The following GRAMD2A variants were observed in gnomAD, a reference collection of about 807,000 sequenced individuals.
GRAMD2A encodes GRAM domain-containing protein 2A.
Under a neutral mutation model 51.1 loss-of-function variants are expected in GRAMD2A, and 37 were observed. The observed-to-expected ratio is 0.72, with a 90% CI of 0.56 to 0.95. The LOEUF is 0.95. Among genes scored for constraint, GRAMD2A ranks in the 40% least tolerant of loss-of-function variants. The pLI, the probability that GRAMD2A is intolerant of heterozygous loss-of-function variation, is 0.00. For missense variants in GRAMD2A, 414 were observed against 426.9 expected (o/e 0.97, Z 0.27); for synonymous variants, 136 against 157.1 (o/e 0.87, Z 1.01).
At chr15:72,189,177 G>A (rs879657459) in intron 1 of GRAMD2A, among the ~76,000 whole-genome samples, 5 of 152,152 alleles carry the variant, frequency 3.3e-5, no homozygotes, top group Non-Finnish European at 7.4e-5. Context: ...AAGGCACTGC[G>A]ATATTATTAA....
chr15:72,169,992 C>T (rs1413837714), intron 1 of GRAMD2A, 53 bp from the exon 2 acceptor site: 2 of 1,323,230 alleles, frequency 1.5e-6, no homozygotes, highest in Non-Finnish European at 2.2e-6. Flanking sequence ...GACACCTTTC[C>T]CTAACAGCCC....
chr15:72,180,293 T>G (rs1236620878), intron 1 of GRAMD2A, among the ~76,000 whole-genome samples: 6 of 152,242 alleles, frequency 3.9e-5, no homozygotes, highest in African/African-American at 1.4e-4. Flanking sequence ...CGGCATCTAT[T>G]TGAGCTGGCA....
At chr15:72,184,258 G>C (rs982360789) in intron 1 of GRAMD2A, among the ~76,000 whole-genome samples, 1 of 152,204 alleles carries the variant, frequency 6.6e-6, no homozygotes, top group Admixed American at 6.5e-5. Context: ...TATTTTCTGC[G>C]CCTGCCTTGG....
rs529089732 is a variant in GRAMD2A, at chr15:72,182,234, G to A, written c.42-12295C>T. On this transcript the variant is annotated intron_variant, in intron 1 of 11. Transcript: ENST00000309731. The stretch of plus-strand genomic sequence containing the variant: ...ACAAAAATCAGCTGGGCGTGGTGGC[G>A]CATGTCTATAATCCCAGCTACTCAG... 7.2e-5 allele frequency among the ~76,000 whole-genome samples: 11 copies of A among 151,934 alleles called. No individual in the cohort carries two copies. The South Asian group carries it at 1.7e-3, about 23-fold the overall frequency.
At chr15:72,165,245 G>A (rs2140544463) in intron 8 of GRAMD2A, 109 bp downstream of exon 8, 2 of 960,098 alleles carry the variant, frequency 2.1e-6, no homozygotes, top group Non-Finnish European at 3.3e-6. Context: ...ACTGACTCTT[G>A]AGCCTGGTGC....
At position 72,170,779 on chromosome 15, in the gene GRAMD2A, A is replaced by T. The variant is rs918548048; in HGVS notation, c.42-840T>A. Among the ~76,000 whole-genome samples, 2 of 152,176 alleles carry T rather than the reference A, an allele frequency of 1.3e-5. No individual in the cohort carries two copies. Among genetic ancestry groups the T allele is most frequent in the Non-Finnish European group, 2.9e-5 (2 of 68,026 alleles). On this transcript the variant is annotated intron_variant, in intron 1 of 11. Coordinates refer to ENST00000309731, the MANE Select transcript of GRAMD2A (RefSeq NM_001012642.3). This position sits in a 1 kb window ranked among gnomAD's most constrained non-coding sequence, Gnocchi z 4.5. The stretch of plus-strand genomic sequence containing the variant: ...GACCAAGAAAGAGAGGGTGGCCAAG[A>T]AGCAGGGCCGTGCTGGGGCAGTGTG...
chr15:72,166,821 C>T lies in GRAMD2A; in HGVS notation c.472-118G>A. The stretch of plus-strand genomic sequence containing the variant: ...AGGGGTATCAGGCCATGAGAGCCAA[C>T]AGAAGCTCTGCCTAGGAACTTCTCT... On this transcript the variant is annotated intron_variant, in intron 6 of 11. Transcript: ENST00000309731. The surrounding 1 kb of genome is among the most constrained non-coding windows in gnomAD (Gnocchi z 4.1). The T allele has an allele frequency of 1.0e-6, 1 of 998,896 alleles. No individual in the cohort carries two copies. Among genetic ancestry groups the T allele is most frequent in the Non-Finnish European group, 1.6e-6 (1 of 638,768 alleles). 61.9% of individuals were successfully genotyped at this position (998,896 alleles called of 1,614,324 possible). A position where few individuals can be genotyped will look rare whatever the true frequency, so the allele number is the denominator to read the frequency against.
At position 72,168,941 on chromosome 15, in the gene GRAMD2A, C is replaced by T. The variant is rs1191200317; in HGVS notation, c.190G>A (p.Gly64Arg). The T allele has an allele frequency of 6.2e-7, 1 of 1,614,038 alleles. No homozygotes were observed. ...GEEIKKCGRE[G>R]ITLNKYNQQY... ...GAGAAGTCAGCCTCCAGACTTACCC[C>T]TTCTCGGCCACACTTCTTTATCTCT... Residue 64 changes from glycine (G) to arginine (R), a missense_variant and splice_region_variant, in exon 3 of 12, where the codon GGG becomes AGG. By Grantham distance (125) the Gly-to-Arg change is moderately radical. Transcript: ENST00000309731.
intron 1 of GRAMD2A, among the ~76,000 whole-genome samples, chr15:72,195,466 G>A (rs2081798116): frequency 6.6e-6 from 1 of 152,198 alleles, no homozygotes; most frequent in Non-Finnish European, 1.5e-5. Context: ...GGCACTAACA[G>A]CGCAGCAGCT....
At chr15:72,174,606 G>A (rs563411798) in intron 1 of GRAMD2A, among the ~76,000 whole-genome samples, 54 of 152,272 alleles carry the variant, frequency 3.5e-4, no homozygotes, top group African/African-American at 1.2e-3. Context: ...GAAATCCTCC[G>A]ATGAGGCCCT....
intron 2 of GRAMD2A, 57 bp from the exon 3 acceptor site, chr15:72,169,053 C>T (rs1794975655): frequency 4.0e-6 from 6 of 1,508,748 alleles, no homozygotes; most frequent in Non-Finnish European, 5.5e-6. Context: ...CCCATGCATC[C>T]TCAGTGCCAA....
In GRAMD2A at chr15:72,182,385, A is replaced by G. The variant is rs1008260238; in HGVS notation, c.42-12446T>C. Among the ~76,000 whole-genome samples, 8 of 150,038 alleles carry G rather than the reference A, an allele frequency of 5.3e-5. No individual in the cohort carries two copies. The Admixed American group carries it at 5.4e-4, about 10-fold the overall frequency. On this transcript the variant is annotated intron_variant, in intron 1 of 11. Coordinates refer to ENST00000309731, the MANE Select transcript of GRAMD2A (RefSeq NM_001012642.3). ...CTCAAAAAAAAAAAAAAAAAAAAAAACCCAAAATTTGCTAAAACTATGAAA... is the reference window on the plus strand; with the variant it reads ...CTCAAAAAAAAAAAAAAAAAAAAAAGCCCAAAATTTGCTAAAACTATGAAA...
chr15:72,191,835 A>G (rs2081770038), intron 1 of GRAMD2A, among the ~76,000 whole-genome samples: 1 of 152,228 alleles, frequency 6.6e-6, no homozygotes, highest in Non-Finnish European at 1.5e-5. Context: ...AGGAAAAAAG[A>G]AAAGGAAGAA....
rs2081477616 is a variant in GRAMD2A at position 72,161,701 on chromosome 15, T to A, written c.*308A>T. 5.7e-6 allele frequency: 2 copies of A among 351,456 alleles called. No individual in the cohort carries two copies. The highest frequency in any genetic ancestry group is 8.2e-5 in the Admixed American group (2 of 24,480). 21.8% of individuals were successfully genotyped at this position (351,456 alleles called of 1,614,324 possible). A position where few individuals can be genotyped will look rare whatever the true frequency, so the allele number is the denominator to read the frequency against. ...CAGAACTGTTTCCAAGGACCCAGTTTGTTTGTTTGTTTGTTTTCTCTAAGT... is the reference window on the plus strand; with the variant it reads ...CAGAACTGTTTCCAAGGACCCAGTTAGTTTGTTTGTTTGTTTTCTCTAAGT... On this transcript the variant is annotated 3_prime_UTR_variant, in exon 12 of 12. Coordinates refer to ENST00000309731, the MANE Select transcript of GRAMD2A (RefSeq NM_001012642.3).
At chr15:72,171,856 GTC>G (rs888698506) in intron 1 of GRAMD2A, among the ~76,000 whole-genome samples, 2 of 146,732 alleles carry the variant, frequency 1.4e-5, no homozygotes, top group South Asian at 4.2e-4. Context: ...TTGAGATGGA[GTC>G]TCTCTCTGTC....
chr15:72,172,125 CT>C (rs1215881935), intron 1 of GRAMD2A, among the ~76,000 whole-genome samples: 15 of 146,620 alleles, frequency 1.0e-4, no homozygotes, highest in African/African-American at 1.5e-4. Flanking sequence ...CACGCCCGGC[CT>C]TTTTTTTTTT....
At chr15:72,194,721 T>C (rs1299813437) in intron 1 of GRAMD2A, among the ~76,000 whole-genome samples, 2 of 152,086 alleles carry the variant, frequency 1.3e-5, no homozygotes, top group East Asian at 3.9e-4. Flanking sequence ...AGAGTCTCAC[T>C]CTGTCGCCCG....
At position 72,166,526 on chromosome 15, in the gene GRAMD2A, C is replaced by T. The variant is rs1384128035; in HGVS notation, c.543+106G>A. ...GCCTTTAACTCCCCTCTCCCTGCCC[C>T]ATTCCCTGTGCTGGAGAGATGGGCG... On this transcript the variant is annotated intron_variant, in intron 7 of 11. Transcript: ENST00000309731. This position sits in a 1 kb window ranked among gnomAD's most constrained non-coding sequence, Gnocchi z 4.1. 1.3e-6 allele frequency: 1 copy of T among 795,700 alleles called. No homozygotes were observed. The highest frequency in any genetic ancestry group is 2.2e-6 in the Non-Finnish European group (1 of 448,724). 49.3% of individuals were successfully genotyped at this position (795,700 alleles called of 1,614,324 possible).
intron 1 of GRAMD2A, among the ~76,000 whole-genome samples, chr15:72,186,646 A>T (rs2081736328): frequency 6.6e-6 from 1 of 152,174 alleles, no homozygotes; most frequent in Non-Finnish European, 1.5e-5. Flanking sequence ...TCTTTAACCC[A>T]ACAATTCCCT....
Sources: allele counts gnomAD v4.1 joint callset (sites outside exome capture counted in the v4.1 genomes callset), GRCh38; gene constraint gnomAD v4.1.1; non-coding constraint Gnocchi (gnomAD v3.1); transcripts MANE v1.5; gene names NCBI Gene and HGNC (gene_info 2026-07-23, HGNC 2026-07-21).